HECTD4: variants seen among roughly 807,000 people sequenced by gnomAD.
HECTD4 encodes the protein probable E3 ubiquitin-protein ligase HECTD4.
A neutral mutation model predicts 471.5 loss-of-function variants in HECTD4; 114 were observed. The ratio of observed to expected loss-of-function variants is 0.24; its 90% CI spans 0.21 to 0.28. The LOEUF is 0.28. HECTD4 is among the 10% of genes least tolerant of loss of function. The probability of loss-of-function intolerance (pLI) is 1.00; values close to 1 mark genes in which losing one functional copy is unlikely to be tolerated. For missense variants in HECTD4, 3,866 were observed against 5,651.5 expected (o/e 0.68, Z 10.13); for synonymous variants, 2,012 against 2,256.0 (o/e 0.89, Z 3.07).
intron 73 of HECTD4, 88 bp downstream of exon 73, chr12:112,164,021 T>G: frequency 7.7e-7 from 1 of 1,295,798 alleles, no homozygotes; most frequent in Non-Finnish European, 1.0e-6. Context: ...GGTCCTCGTG[T>G]CATTGCCCAG....
rs1456271476 is a variant in HECTD4, at chr12:112,195,085, G to A, written c.8568-19C>T. The A allele has an allele frequency of 1.9e-6, 3 of 1,575,368 alleles. No individual in the cohort carries two copies. Among genetic ancestry groups the A allele is most frequent in the Admixed American group, 1.9e-5 (1 of 54,042 alleles). Reference sequence around the variant, plus strand: ...CAGCTCCCTGCAAGGGAAAAGGTGGGTGAGATACTCAAAGCCCTGATGCTC... The same window carrying A: ...CAGCTCCCTGCAAGGGAAAAGGTGGATGAGATACTCAAAGCCCTGATGCTC... On this transcript the variant is annotated intron_variant, in intron 55 of 75. Transcript: ENST00000682272.
In HECTD4 at chr12:112,239,478, T is replaced by C. The variant is rs1230065466; in HGVS notation, c.5106-242A>G. ...AAAAATCGATGGAATCAACTCAATG[T>C]TGCCATGATGGAAAAAAATCATGTA... On this transcript the variant is annotated intron_variant, in intron 33 of 75. Transcript: ENST00000682272. This position sits in a 1 kb window ranked among gnomAD's most constrained non-coding sequence, Gnocchi z 4.9. 6.6e-6 allele frequency among the ~76,000 whole-genome samples: 1 copy of C among 152,244 alleles called. No homozygotes were observed. Among genetic ancestry groups the C allele is most frequent in the African/African-American group, 2.4e-5 (1 of 41,474 alleles).
chr12:112,327,222 CAGG>C (rs1226122596), intron 1 of HECTD4, among the ~76,000 whole-genome samples: 1 of 152,082 alleles, frequency 6.6e-6, no homozygotes, highest in Non-Finnish European at 1.5e-5. Flanking sequence ...AAGGCTGAGG[CAGG>C]AGAACTGCTT....
intron 9 of HECTD4, among the ~76,000 whole-genome samples, chr12:112,275,402 C>T (rs760294401): frequency 4.3e-4 from 66 of 152,092 alleles, no homozygotes; most frequent in Non-Finnish European, 8.1e-4. Context: ...TTGGACACAC[C>T]CTGGCTTTTT....
intron 7 of HECTD4, among the ~76,000 whole-genome samples, chr12:112,296,359 G>A (rs138311280): frequency 1.2e-4 from 18 of 150,132 alleles, no homozygotes; most frequent in East Asian, 4.0e-4. Flanking sequence ...GGGTATAGGC[G>A]CAGCAAGTGG....
At chr12:112,306,295 C>T in intron 6 of HECTD4, 61 bp from the exon 7 acceptor site, 2 of 1,296,946 alleles carry the variant, frequency 1.5e-6, no homozygotes, top group Non-Finnish European at 2.0e-6. Flanking sequence ...TTAATCCTAT[C>T]AGCTCATCAT....
At chr12:112,308,269 C>T (rs2035303926) in intron 6 of HECTD4, among the ~76,000 whole-genome samples, 1 of 152,112 alleles carries the variant, frequency 6.6e-6, no homozygotes, top group Admixed American at 6.5e-5. Context: ...CAGCAAGTGC[C>T]ATGGCAGAGT....
At chr12:112,342,922 T>A (rs979265821) in intron 1 of HECTD4, among the ~76,000 whole-genome samples, 39 of 152,342 alleles carry the variant, frequency 2.6e-4, no homozygotes, top group African/African-American at 9.4e-4. Context: ...AAAATTTTAC[T>A]TCTTAGAAAG....
intron 1 of HECTD4, among the ~76,000 whole-genome samples, chr12:112,375,004 A>G (rs1463223409): frequency 6.6e-6 from 1 of 152,230 alleles, no homozygotes; most frequent in East Asian, 1.9e-4. Flanking sequence ...AACCATCACC[A>G]CAATCAAAAT....
At chr12:112,275,142 C>T (rs2034500146) in intron 9 of HECTD4, among the ~76,000 whole-genome samples, 182 bp from the exon 10 acceptor site, 1 of 152,260 alleles carries the variant, frequency 6.6e-6, no homozygotes, top group East Asian at 1.9e-4. Flanking sequence ...AAACTGTCAC[C>T]ACCAGAAATT....
In HECTD4 at chr12:112,228,949, T is replaced by C; in HGVS notation, c.6520-138A>G. Reference sequence around the variant, plus strand: ...TAGTTTATACTACTAGGGTAGCAGATACCAAGCCCTAGACATGACTTATAA... The same window carrying C: ...TAGTTTATACTACTAGGGTAGCAGACACCAAGCCCTAGACATGACTTATAA... On this transcript the variant is annotated intron_variant, in intron 41 of 75. Coordinates refer to ENST00000682272, the MANE Select transcript of HECTD4 (RefSeq NM_001388303.1). This position sits in a 1 kb window ranked among gnomAD's most constrained non-coding sequence, Gnocchi z 4.9. 5.0e-6 allele frequency: 4 copies of C among 800,070 alleles called. No homozygotes were observed. Among genetic ancestry groups the C allele is most frequent in the Non-Finnish European group, 8.2e-6 (4 of 490,514 alleles). The allele number at this position is 800,070 out of a possible 1,614,324, so 49.6% of individuals were successfully genotyped here.
Position 112,254,162 on chromosome 12 carries a change from A to G in HECTD4, c.3328T>C (p.Leu1110=), listed in dbSNP as rs1022179482. 1 of 1,613,946 alleles carries G rather than the reference A, an allele frequency of 6.2e-7. No homozygotes were observed. Among genetic ancestry groups the G allele is most frequent in the Non-Finnish European group, 8.5e-7 (1 of 1,179,836 alleles). The change falls in exon 22 of 76, where the codon TTG becomes CTG. Residue 1110 remains leucine, a splice_region_variant and synonymous_variant. Coordinates refer to ENST00000682272, the MANE Select transcript of HECTD4 (RefSeq NM_001388303.1). ...RCSSQYDYDK[L]VIYAGPNTNS... is the part of the protein sequence containing the mutation. ...GTGTTAGGCCCCGCATATATCACCA[A>G]CTTCAAAACAGAAAATATACTGTTA...
chr12:112,171,414 C>G (rs2031216257), intron 67 of HECTD4, 151 bp from the exon 68 acceptor site: 4 of 1,263,308 alleles, frequency 3.2e-6, no homozygotes, highest in Non-Finnish European at 4.3e-6. Context: ...TGAGCGGCCC[C>G]CAATGTGCCT....
At chr12:112,199,181 C>T (rs547197571) in intron 55 of HECTD4, among the ~76,000 whole-genome samples, 5 of 152,120 alleles carry the variant, frequency 3.3e-5, no homozygotes, top group African/African-American at 1.2e-4. Flanking sequence ...GGGAATAGCC[C>T]CTGAACTTCT....
At chr12:112,172,523 C>T in intron 67 of HECTD4, 148 bp downstream of exon 67, 1 of 776,468 alleles carries the variant, frequency 1.3e-6, no homozygotes, top group Non-Finnish European at 2.1e-6. Flanking sequence ...CGTCAGCCCA[C>T]TCTTCCTTGC....
rs111805047 is a variant in HECTD4, at chr12:112,239,683, G to T, written c.5105+198C>A. On this transcript the variant is annotated intron_variant, in intron 33 of 75. Coordinates refer to ENST00000682272, the MANE Select transcript of HECTD4 (RefSeq NM_001388303.1). The surrounding 1 kb of genome is among the most constrained non-coding windows in gnomAD (Gnocchi z 4.9). ...TTCACAATGTAATATAACCCTAATGGCTGCATTTAGTCATGTTGGAACTCA... is the reference window on the plus strand; with the variant it reads ...TTCACAATGTAATATAACCCTAATGTCTGCATTTAGTCATGTTGGAACTCA... 4.5e-3 allele frequency among the ~76,000 whole-genome samples: 689 copies of T among 152,180 alleles called. 5 individuals carry two copies. Among genetic ancestry groups the T allele is most frequent in the Non-Finnish European group, 7.8e-3 (531 of 67,998 alleles).
chr12:112,282,418 GAA>G (rs201270254), intron 8 of HECTD4, among the ~76,000 whole-genome samples: 1 of 149,256 alleles, frequency 6.7e-6, no homozygotes, highest in South Asian at 2.1e-4. Context: ...CAACAACAAC[GAA>G]AAAAAAAGTG....
Position 112,194,872 on chromosome 12 carries a change from A to C in HECTD4, c.8749+13T>G. On this transcript the variant is annotated intron_variant, in intron 56 of 75. Coordinates refer to ENST00000682272, the MANE Select transcript of HECTD4 (RefSeq NM_001388303.1). This position sits in a 1 kb window ranked among gnomAD's most constrained non-coding sequence, Gnocchi z 4.6. ...CTAAGTTCCAGAGTGACAGCAGCAAAGCCAAGTTTTACCTGGGAGAGGAGG... is the reference window on the plus strand; with the variant it reads ...CTAAGTTCCAGAGTGACAGCAGCAACGCCAAGTTTTACCTGGGAGAGGAGG... The C allele has an allele frequency of 6.3e-7, 1 of 1,599,424 alleles. No homozygotes were observed. The highest frequency in any genetic ancestry group is 2.3e-5 in the East Asian group (1 of 44,318).
At chr12:112,311,028 G>A (rs1365935185) in intron 4 of HECTD4, among the ~76,000 whole-genome samples, 4 of 152,186 alleles carry the variant, frequency 2.6e-5, no homozygotes, top group Non-Finnish European at 4.4e-5. Flanking sequence ...TTGGGAGGCC[G>A]AGGCGGGCAG....
Sources: allele counts gnomAD v4.1 joint callset (sites outside exome capture counted in the v4.1 genomes callset), GRCh38; gene constraint gnomAD v4.1.1; non-coding constraint Gnocchi (gnomAD v3.1); transcripts MANE v1.5; gene names NCBI Gene and HGNC (gene_info 2026-07-23, HGNC 2026-07-21).